Variants in PTGER3 observed in about 807,000 individuals in gnomAD.
PTGER3 encodes the protein prostaglandin E receptor 3, also known as prostaglandin E2 receptor EP3 subtype.
PTGER3 carries 22 observed loss-of-function variants against 34.7 expected under a neutral mutation model. The ratio of observed to expected loss-of-function variants is 0.63; its 90% CI spans 0.45 to 0.91. The LOEUF (loss-of-function observed/expected upper bound fraction) is 0.91, where lower values mean the gene tolerates loss of function less well. Ranked by LOEUF, PTGER3 falls within the 40% of genes least tolerant of loss-of-function variation. The probability of loss-of-function intolerance (pLI) is 0.00; values close to 1 mark genes in which losing one functional copy is unlikely to be tolerated. For missense variants in PTGER3, 468 were observed against 519.4 expected (o/e 0.90, Z 0.96); for synonymous variants, 241 against 230.1 (o/e 1.05, Z -0.43).
At chr1:70,957,628 A>T (rs1029396247) in intron 2 of PTGER3, among the ~76,000 whole-genome samples, 1 of 152,196 alleles carries the variant, frequency 6.6e-6, no homozygotes, top group Non-Finnish European at 1.5e-5. Flanking sequence ...TTTGAGGCAC[A>T]TGTACATAGT....
intron 1 of PTGER3, among the ~76,000 whole-genome samples, chr1:71,034,120 TA>T (rs1257668751): frequency 4.6e-5 from 7 of 152,166 alleles, no homozygotes; most frequent in South Asian, 2.1e-4. Flanking sequence ...TTGGTGGAGG[TA>T]ATATTAGTTT....
chr1:71,043,877 C>T (rs887583594), intron 1 of PTGER3, among the ~76,000 whole-genome samples: 3 of 150,480 alleles, frequency 2.0e-5, no homozygotes, highest in Non-Finnish European at 4.4e-5. Flanking sequence ...AGTGCAGTGG[C>T]GTGATCTCGG....
chr1:70,984,530 C>T (rs1206098253), intron 2 of PTGER3, among the ~76,000 whole-genome samples: 1 of 152,028 alleles, frequency 6.6e-6, no homozygotes, highest in African/African-American at 2.4e-5. Context: ...GCCTGGGCAA[C>T]ACAGCAAGAT....
chr1:71,009,765 T>C (rs1657282222), intron 2 of PTGER3: 3 of 985,060 alleles, frequency 3.0e-6, no homozygotes, highest in South Asian at 9.4e-5. Context: ...TGATTAGACA[T>C]ATGTATGGAC....
At position 71,046,920 on chromosome 1, in the gene PTGER3, T is replaced by C; in HGVS notation, c.658A>G (p.Ser220Gly). Residue 220 changes from serine to glycine, a missense_variant, in exon 1 of 4, where the codon AGC (serine) becomes GGC (glycine). By Grantham distance (56) the Ser-to-Gly change is moderately conservative. This residue lies in a region of PTGER3 where 204 missense variants were observed against 230.8 expected (regional missense o/e 0.88). Coordinates refer to ENST00000306666, the MANE Select transcript of PTGER3 (RefSeq NM_198719.2). ...AGGTTGCCCCAGTTATGCGAAGAGC[T>C]AGTCCCGTTGCCCCCTCGCCCGGTG... ...ISTGRGGNGT[S>G]SSHNWGNLFF... is the part of the protein sequence containing the mutation. 1 of 1,610,286 alleles carries C rather than the reference T, an allele frequency of 6.2e-7. No individual in the cohort carries two copies. The highest frequency in any genetic ancestry group is 8.5e-7 in the Non-Finnish European group (1 of 1,178,282).
chr1:70,973,225 A>AGAT (rs1309338748), intron 3 of PTGER3, among the ~76,000 whole-genome samples: 2 of 19,222 alleles, frequency 1.0e-4, no homozygotes, highest in African/African-American at 4.6e-4. Flanking sequence ...GATAGATGAT[A>AGAT]GATAGATAGA....
At chr1:70,972,755 GAAC>G (rs539795593) in intron 3 of PTGER3, among the ~76,000 whole-genome samples, 21 of 151,792 alleles carry the variant, frequency 1.4e-4, no homozygotes, top group African/African-American at 4.8e-4. Flanking sequence ...AATAAAATGA[GAAC>G]AAGATTAAAA....
Position 71,046,786 on chromosome 1 carries a change from G to A in PTGER3, c.792C>T (p.Ala264=), listed in dbSNP as rs770159148. 7 of 1,613,952 alleles carry A rather than the reference G, an allele frequency of 4.3e-6. No individual in the cohort carries two copies. The South Asian group carries it at 6.6e-5, about 15-fold the overall frequency. Reference sequence around the variant, plus strand: ...ACTGGGCACTGGACTGAGATGCCGTGGCCTTGGCCCGGCAGCGGGACACCA... The same window carrying A: ...ACTGGGCACTGGACTGAGATGCCGTAGCCTTGGCCCGGCAGCGGGACACCA... ...KALVSRCRAK[A]TASQSSAQWG... Residue 264 remains alanine (A), a synonymous_variant, in exon 1 of 4, where the codon GCC becomes GCT. Coordinates refer to ENST00000306666, the MANE Select transcript of PTGER3 (RefSeq NM_198719.2).
At chr1:71,025,527 G>A (rs577727586) in intron 1 of PTGER3, among the ~76,000 whole-genome samples, 2 of 132,918 alleles carry the variant, frequency 1.5e-5, no homozygotes, top group Admixed American at 1.5e-4. Flanking sequence ...AGTGTCAAAA[G>A]TCCTTTTATT....
chr1:70,859,758 A>C (rs2100467985), intron 4 of PTGER3, among the ~76,000 whole-genome samples: 1 of 152,340 alleles, frequency 6.6e-6, no homozygotes. Flanking sequence ...AAGTACTACT[A>C]TTATTATTCC....
At chr1:70,929,663 C>T (rs1026091864) in intron 4 of PTGER3, among the ~76,000 whole-genome samples, 30 of 152,140 alleles carry the variant, frequency 2.0e-4, no homozygotes, top group African/African-American at 6.5e-4. Flanking sequence ...AGGAATAGCT[C>T]TTATCTCTGT....
chr1:71,045,394 C>G (rs1261063234), intron 1 of PTGER3, among the ~76,000 whole-genome samples: 2 of 152,148 alleles, frequency 1.3e-5, no homozygotes, highest in Non-Finnish European at 2.9e-5. Context: ...ACTGCGTTCA[C>G]GTGTTTCAAA....
chr1:71,036,611 T>C (rs542004817), intron 1 of PTGER3, among the ~76,000 whole-genome samples: 46 of 151,846 alleles, frequency 3.0e-4, no homozygotes, highest in Admixed American at 2.4e-3. Context: ...GAGGCCGAGG[T>C]GGGCGGATCA....
chr1:70,995,688 A>C (rs924063384), intron 2 of PTGER3, among the ~76,000 whole-genome samples: 1 of 151,940 alleles, frequency 6.6e-6, no homozygotes, highest in African/African-American at 2.4e-5. Flanking sequence ...TAATAACAAC[A>C]CTCCCTAGCT....
At chr1:70,885,209 T>C (rs1362969748) in intron 4 of PTGER3, among the ~76,000 whole-genome samples, 1 of 152,176 alleles carries the variant, frequency 6.6e-6, no homozygotes, top group Non-Finnish European at 1.5e-5. Context: ...TTCTCTGAGT[T>C]GGACTTCTGA....
chr1:70,870,787 C>T (rs1269389383), intron 4 of PTGER3, among the ~76,000 whole-genome samples: 1 of 152,188 alleles, frequency 6.6e-6, no homozygotes, highest in Admixed American at 6.5e-5. Context: ...GACCTTTGCT[C>T]CAGGTCCCAA....
chr1:70,911,067 G>A (rs538731893), intron 4 of PTGER3, among the ~76,000 whole-genome samples: 3 of 146,678 alleles, frequency 2.0e-5, no homozygotes, highest in South Asian at 2.2e-4. Flanking sequence ...GCGACAGAGC[G>A]AGACTCCATT....
chr1:70,909,744 C>A (rs531304862), intron 4 of PTGER3, among the ~76,000 whole-genome samples: 56 of 152,282 alleles, frequency 3.7e-4, no homozygotes, highest in Non-Finnish European at 7.4e-4. Context: ...TATTTTTCTG[C>A]AGAGTCTTTA....
At chr1:71,002,668 A>G (rs1282208718) in intron 2 of PTGER3, among the ~76,000 whole-genome samples, 1 of 152,242 alleles carries the variant, frequency 6.6e-6, no homozygotes, top group Non-Finnish European at 1.5e-5. Flanking sequence ...GAGCTGCCCA[A>G]CATTTAAGGC....
Sources: gnomAD v4.1 joint callset for allele counts (sites outside exome capture counted in the v4.1 genomes callset) on GRCh38, gnomAD v4.1.1 for gene constraint, gnomAD v4.1.1 regional missense constraint, MANE v1.5 for transcripts, NCBI Gene and HGNC (gene_info 2026-07-23, HGNC 2026-07-21) for gene names.